ZNF780B: variants seen among roughly 807,000 people sequenced by gnomAD.
ZNF780B encodes the protein zinc finger protein 780B, also known as zinc finger protein 779.
Under a neutral mutation model 74.1 loss-of-function variants are expected in ZNF780B, and 52 were observed. The ratio of observed to expected loss-of-function variants is 0.70; its 90% confidence interval spans 0.56 to 0.88. The LOEUF is 0.88. Among genes scored for constraint, ZNF780B ranks in the 40% least tolerant of loss-of-function variants. The probability of loss-of-function intolerance (pLI) is 0.00; values close to 1 mark genes in which losing one functional copy is unlikely to be tolerated. For synonymous variants in ZNF780B, 315 were observed against 324.3 expected (o/e 0.97, Z 0.31); for missense variants, 953 against 1,007.6 (o/e 0.95, Z 0.73).
rs571000402 is a variant in ZNF780B, at chr19:40,038,062, A to C, written c.233-1436T>G. Among the ~76,000 whole-genome samples, 1,181 of 148,718 alleles carry C rather than the reference A, an allele frequency of 7.9e-3. 6 individuals carry two copies. Among genetic ancestry groups the C allele is most frequent in the Non-Finnish European group, 0.012 (789 of 67,162 alleles). ...ATATCTCCTAATGCTATCCCTCCCC[A>C]CCTCCTCCCACCCCACAACATTCCC... is the stretch of plus-strand genomic sequence containing the variant. On this transcript the variant is annotated intron_variant, in intron 4 of 4. Transcript: ENST00000434248.
In ZNF780B at chr19:40,036,232, A is replaced by C; in HGVS notation, c.627T>G (p.Thr209=). The C allele has an allele frequency of 6.2e-7, 1 of 1,611,968 alleles. No homozygotes were observed. Among genetic ancestry groups the C allele is most frequent in the Non-Finnish European group, 8.5e-7 (1 of 1,179,346 alleles). Residue 209 remains threonine, a synonymous_variant, in exon 5 of 5, where the codon ACT becomes ACG. Transcript: ENST00000434248. ...CACCAGTATGAAATTTCTGATGTCGAGTAAGTTGTATGTGAAGTTGAAAGG... is the reference window on the plus strand; with the variant it reads ...CACCAGTATGAAATTTCTGATGTCGCGTAAGTTGTATGTGAAGTTGAAAGG... ...GKAFQLHIQL[T]RHQKFHTGEK...
intron 1 of ZNF780B, among the ~76,000 whole-genome samples, chr19:40,055,073 A>G (rs1219802613): frequency 2.0e-5 from 3 of 152,250 alleles, no homozygotes; most frequent in African/African-American, 2.4e-5. Context: ...GGAGGCCTGT[A>G]AAGAGTCAGA....
rs866042253 is a variant in ZNF780B, at chr19:40,036,081, G to T, written c.778C>A (p.Arg260Ser). The change falls in exon 5 of 5, where the codon CGT becomes AGT. Residue 260 changes from arginine (R) to serine (S), a missense_variant. Transcript: ENST00000434248. ...TGATGCTGAGTAAGGTTTGAGCTAC[G>T]ATTAAAAGACTTCCCACATTCCTTA... The part of the protein sequence containing the change: ...ECKECGKSFN[R>S]SSNLTQHQSI... 6 of 1,613,134 alleles carry T rather than the reference G, an allele frequency of 3.7e-6. No individual in the cohort carries two copies. The highest frequency in any genetic ancestry group is 5.1e-6 in the Non-Finnish European group (6 of 1,179,584).
At position 40,036,386 on chromosome 19, in the gene ZNF780B, A is replaced by G; in HGVS notation, c.473T>C (p.Ile158Thr). ...EMPAYTHASP[I>T]HNTHKPYECK... ...TTCATATGGTTTATGTGTATTATGA[A>G]TAGGAGAAGCATGAGTATAAGCAGG... The change falls in exon 5 of 5, where the codon ATT becomes ACT. Residue 158 changes from isoleucine to threonine, a missense_variant. By Grantham distance (89) the Ile-to-Thr change is moderately conservative. Coordinates refer to ENST00000434248, the MANE Select transcript of ZNF780B (RefSeq NM_001005851.3). 6.2e-7 allele frequency: 1 copy of G among 1,611,220 alleles called. No individual in the cohort carries two copies. Among genetic ancestry groups the G allele is most frequent in the Non-Finnish European group, 8.5e-7 (1 of 1,179,182 alleles).
At chr19:40,040,058 A>G (rs1056758510) in intron 4 of ZNF780B, among the ~76,000 whole-genome samples, 14 of 152,148 alleles carry the variant, frequency 9.2e-5, no homozygotes, top group Non-Finnish European at 1.5e-5. Context: ...TGTCATAGAT[A>G]GCTCTTATTA....
rs1420758759 is a variant in ZNF780B at position 40,034,761 on chromosome 19, T to A, written c.2098A>T (p.Lys700Ter). Residue 700 changes from lysine to a stop codon, truncating the protein, a stop_gained, in exon 5 of 5, where the codon AAG (lysine) becomes TAG (stop). Coordinates refer to ENST00000434248, the MANE Select transcript of ZNF780B (RefSeq NM_001005851.3). LOFTEE classifies it high-confidence loss of function. ...TATCTAAAGGTCTTCCTACACTCCT[T>A]ACATACAAAGGGTTTCGCACTGGAA... is the stretch of plus-strand genomic sequence containing the variant. ...THSSAKPFVC[K>*]ECRKTFRYHY... 6.2e-6 allele frequency: 10 copies of A among 1,614,026 alleles called. No homozygotes were observed. Among genetic ancestry groups the A allele is most frequent in the Non-Finnish European group, 8.5e-6 (10 of 1,179,986 alleles).
chr19:40,045,376 A>G (rs184708796), intron 4 of ZNF780B, among the ~76,000 whole-genome samples: 1 of 152,348 alleles, frequency 6.6e-6, no homozygotes, highest in Non-Finnish European at 1.5e-5. Context: ...TTGGTGGGAT[A>G]TAAATTAGTA....
In ZNF780B at chr19:40,032,345, A is replaced by T. The variant is rs1157402520; in HGVS notation, c.*2012T>A. 5 of 386,104 alleles carry T rather than the reference A, an allele frequency of 1.3e-5. No homozygotes were observed. The highest frequency in any genetic ancestry group is 2.5e-5 in the Non-Finnish European group (5 of 199,520). 23.9% of individuals were successfully genotyped at this position (386,104 alleles called of 1,614,324 possible). On this transcript the variant is annotated 3_prime_UTR_variant, in exon 5 of 5. Transcript: ENST00000434248. The stretch of plus-strand genomic sequence containing the variant: ...CACCATAATTTGAGAGCATACTTTC[A>T]TGGGGTTTCCATGCTACAATACACT...
Position 40,035,305 on chromosome 19 carries a change from T to A in ZNF780B, c.1554A>T (p.Gln518His), listed in dbSNP as rs746182044. The A allele has an allele frequency of 1.2e-6, 2 of 1,614,142 alleles. No homozygotes were observed. Among genetic ancestry groups the A allele is most frequent in the Admixed American group, 1.7e-5 (1 of 60,026 alleles). ...KAFNRGSNLV[Q>H]HQSIHTGEKP... is the part of the protein sequence containing the mutation. ...TCTCACCAGTGTGAATACTCTGATG[T>A]TGAACAAGGTTCGAGCCACGATTGA... The change falls in exon 5 of 5, where the codon CAA becomes CAT. Residue 518 changes from glutamine (Q) to histidine (H), a missense_variant. Gln to His is a conservative substitution (Grantham distance 24, BLOSUM62 0). Transcript: ENST00000434248.
At chr19:40,053,127 CAA>C (rs1007218492) in intron 1 of ZNF780B, among the ~76,000 whole-genome samples, 5 of 151,998 alleles carry the variant, frequency 3.3e-5, no homozygotes, top group African/African-American at 1.2e-4. Context: ...TTCTGCACAG[CAA>C]AGTGAAGAGA....
Position 40,034,075 on chromosome 19 carries a change from G to T in ZNF780B, c.*282C>A. 1 of 490,502 alleles carries T rather than the reference G, an allele frequency of 2.0e-6. No individual in the cohort carries two copies. The highest frequency in any genetic ancestry group is 3.8e-6 in the Non-Finnish European group (1 of 264,056). The allele number at this position is 490,502 out of a possible 1,614,324, so 30.4% of individuals were successfully genotyped here. A position where few individuals can be genotyped will look rare whatever the true frequency, so the allele number is the denominator to read the frequency against. On this transcript the variant is annotated 3_prime_UTR_variant, in exon 5 of 5. Transcript: ENST00000434248. ...AGTAAGATCATAATTACTGCTAAAGGCCTTTTCACATTCCTTACATTCATA... is the reference window on the plus strand; with the variant it reads ...AGTAAGATCATAATTACTGCTAAAGTCCTTTTCACATTCCTTACATTCATA...
chr19:40,041,731 C>A (rs925530842), intron 4 of ZNF780B, among the ~76,000 whole-genome samples: 5 of 151,904 alleles, frequency 3.3e-5, no homozygotes, highest in Admixed American at 1.3e-4. Flanking sequence ...ATTGCAACCC[C>A]TGCCTTTTTT....
At chr19:40,037,168 G>C (rs1191534799) in intron 4 of ZNF780B, among the ~76,000 whole-genome samples, 1 of 151,698 alleles carries the variant, frequency 6.6e-6, no homozygotes, top group Non-Finnish European at 1.5e-5. Flanking sequence ...ACCCACCCTG[G>C]CCTCCCAAAG....
Position 40,034,429 on chromosome 19 carries a change from AT to A in ZNF780B, c.2429del (p.Asn810MetfsTer2). 1.9e-6 allele frequency: 3 copies of A among 1,614,094 alleles called. No individual in the cohort carries two copies. The highest frequency in any genetic ancestry group is 2.5e-6 in the Non-Finnish European group (3 of 1,179,980). ...CTGAAGGCTGTCCCACATTTCTTAC[AT>A]TCAAAGGGTTTCTCACCTGTACAAG... Reference protein sequence around the residue: ...QKLVQVRNPLNVRNVGQPSDI... With the variant: ...QKLVQVRNPLXVRNVGQPSDI... On this transcript the variant is annotated frameshift_variant, in exon 5 of 5. Coordinates refer to ENST00000434248, the MANE Select transcript of ZNF780B (RefSeq NM_001005851.3). LOFTEE classifies it high-confidence loss of function.
At chr19:40,037,225 T>A (rs1008893498) in intron 4 of ZNF780B, among the ~76,000 whole-genome samples, 4 of 151,608 alleles carry the variant, frequency 2.6e-5, no homozygotes, top group African/African-American at 9.7e-5. Context: ...TCTATTTTTT[T>A]TTTTTTTTTT....
chr19:40,055,115 C>A (rs1305550486), intron 1 of ZNF780B, among the ~76,000 whole-genome samples: 1 of 152,172 alleles, frequency 6.6e-6, no homozygotes, highest in Non-Finnish European at 1.5e-5. Context: ...AACTAATCTT[C>A]TTTTCAAAGC....
At position 40,032,027 on chromosome 19, in the gene ZNF780B, C is replaced by T. The variant is rs1346234609; in HGVS notation, c.*2330G>A. 2 of 455,548 alleles carry T rather than the reference C, an allele frequency of 4.4e-6. No individual in the cohort carries two copies. The highest frequency in any genetic ancestry group is 2.0e-5 in the African/African-American group (1 of 50,014). 28.2% of individuals were successfully genotyped at this position (455,548 alleles called of 1,614,324 possible). A position where few individuals can be genotyped will look rare whatever the true frequency, so the allele number is the denominator to read the frequency against. On this transcript the variant is annotated 3_prime_UTR_variant, in exon 5 of 5. Coordinates refer to ENST00000434248, the MANE Select transcript of ZNF780B (RefSeq NM_001005851.3). ...TCTTCCCCAAAACGTTTAATCTAGA[C>T]CTAAGAAAGCCTCTGGACTTACTTT...
chr19:40,039,711 G>T (rs998493557), intron 4 of ZNF780B, among the ~76,000 whole-genome samples: 19 of 152,084 alleles, frequency 1.2e-4, no homozygotes, highest in Non-Finnish European at 2.4e-4. Flanking sequence ...GCTCTCTGTT[G>T]GTCTGTTATT....
intron 4 of ZNF780B, among the ~76,000 whole-genome samples, chr19:40,038,895 T>C (rs1429754986): frequency 6.6e-6 from 1 of 151,044 alleles, no homozygotes; most frequent in Non-Finnish European, 1.5e-5. Context: ...TCTTTTGCTG[T>C]GCAGAAGCTC....
Sources: gnomAD v4.1 joint callset for allele counts (sites outside exome capture counted in the v4.1 genomes callset) on GRCh38, gnomAD v4.1.1 for gene constraint, MANE v1.5 for transcripts, NCBI Gene and HGNC (gene_info 2026-07-23, HGNC 2026-07-21) for gene names.